SLX4IP: variants seen among roughly 807,000 people sequenced by gnomAD.
SLX4IP encodes the protein SLX4 interacting protein.
In SLX4IP, 34 loss-of-function variants were observed where a neutral mutation model predicts 32.9. The observed-to-expected ratio is 1.03, with a 90% CI of 0.79 to 1.38. The LOEUF is 1.38. Ranked by LOEUF, SLX4IP falls within the 40% of genes most tolerant of loss-of-function variation. The pLI is 0.00. For synonymous variants in SLX4IP, 172 were observed against 171.7 expected (o/e 1.00, Z -0.01); for missense variants, 444 against 479.0 (o/e 0.93, Z 0.68).
At chr20:10,496,162 A>G (rs1390950805) in intron 2 of SLX4IP, among the ~76,000 whole-genome samples, 2 of 151,724 alleles carry the variant, frequency 1.3e-5, no homozygotes, top group Non-Finnish European at 2.9e-5. Flanking sequence ...TATTTTTGTA[A>G]TTGATACACA....
chr20:10,622,555 T>G (rs2067123562), intron 7 of SLX4IP, 104 bp from the exon 8 acceptor site: 1 of 1,482,310 alleles, frequency 6.7e-7, no homozygotes, highest in Admixed American at 2.2e-5. Context: ...GGGCAGGTAG[T>G]GCCTGCCTCC....
At chr20:10,452,947 T>C (rs1277455937) in intron 1 of SLX4IP, among the ~76,000 whole-genome samples, 4 of 152,166 alleles carry the variant, frequency 2.6e-5, no homozygotes, top group African/African-American at 9.6e-5. Context: ...TTTGCTTTAC[T>C]ATAGCTATTG....
At chr20:10,467,741 A>C (rs926634110) in intron 2 of SLX4IP, among the ~76,000 whole-genome samples, 2 of 152,234 alleles carry the variant, frequency 1.3e-5, no homozygotes, top group Non-Finnish European at 2.9e-5. Flanking sequence ...TCACACCAGC[A>C]GTCACCCAAT....
chr20:10,506,528 C>T (rs374357557), intron 2 of SLX4IP, among the ~76,000 whole-genome samples: 12 of 152,166 alleles, frequency 7.9e-5, no homozygotes, highest in South Asian at 6.2e-4. Flanking sequence ...CTCTGGCTCT[C>T]TTGAAGAGAA....
rs747508647 is a variant in SLX4IP at position 10,626,265 on chromosome 20, A to G, written c.*2886A>G. The G allele has an allele frequency of 7.7e-6, 1 of 129,778 alleles. No individual in the cohort carries two copies. Among genetic ancestry groups the G allele is most frequent in the Non-Finnish European group, 1.6e-5 (1 of 64,092 alleles). 8.0% of individuals were successfully genotyped at this position (129,778 alleles called of 1,614,324 possible). A position where few individuals can be genotyped will look rare whatever the true frequency, so the allele number is the denominator to read the frequency against. On this transcript the variant is annotated 3_prime_UTR_variant, in exon 8 of 8. Transcript: ENST00000334534. ...TGGCCAGGGTGGTCTCGATCTCCTG[A>G]CTCGTGATCCGCCCGCCTCGGCCTC...
chr20:10,599,232 G>A (rs2066812304), intron 5 of SLX4IP, among the ~76,000 whole-genome samples: 1 of 152,110 alleles, frequency 6.6e-6, no homozygotes, highest in Non-Finnish European at 1.5e-5. Context: ...AAAGTCAGAA[G>A]CTAATGATCA....
intron 2 of SLX4IP, among the ~76,000 whole-genome samples, chr20:10,468,611 C>T (rs1194961006): frequency 1.3e-5 from 2 of 152,124 alleles, no homozygotes; most frequent in Non-Finnish European, 2.9e-5. Context: ...TGTGGTTTTC[C>T]CTCTGTTTGC....
intron 1 of SLX4IP, among the ~76,000 whole-genome samples, chr20:10,439,131 G>T (rs973359319): frequency 6.6e-6 from 1 of 152,100 alleles, no homozygotes; most frequent in African/African-American, 2.4e-5. Context: ...CCAATTGATG[G>T]ACATTTGGTT....
At chr20:10,620,043 C>G (rs1326168277) in intron 6 of SLX4IP, among the ~76,000 whole-genome samples, 1 of 152,146 alleles carries the variant, frequency 6.6e-6, no homozygotes, top group Non-Finnish European at 1.5e-5. Context: ...AGTGATTAGG[C>G]AAAGCACATC....
Position 10,623,147 on chromosome 20 carries a change from G to A in SLX4IP, c.995G>A (p.Arg332Lys), listed in dbSNP as rs765630737. ...ATAGTGGAAAAAAGCAAAGCTGTCA[G>A]GGTTTTGCCAGCTTCAGAGTTGTCA... Reference protein sequence around the residue: ...EIIVEKSKAVRVLPASELSDP... With the variant: ...EIIVEKSKAVKVLPASELSDP... Residue 332 changes from arginine to lysine, a missense_variant, in exon 8 of 8, where the codon AGG becomes AAG. Transcript: ENST00000334534. 3 of 1,614,232 alleles carry A rather than the reference G, an allele frequency of 1.9e-6. No homozygotes were observed. The highest frequency in any genetic ancestry group is 3.3e-5 in the Admixed American group (2 of 60,026).
At chr20:10,555,246 C>T (rs1019260261) in intron 2 of SLX4IP, among the ~76,000 whole-genome samples, 1 of 151,824 alleles carries the variant, frequency 6.6e-6, no homozygotes, top group African/African-American at 2.4e-5. Flanking sequence ...AAAACTGAAC[C>T]TCTGAGTCTC....
chr20:10,459,143 G>T (rs139807991), intron 2 of SLX4IP, among the ~76,000 whole-genome samples: 178 of 152,250 alleles, frequency 1.2e-3, no homozygotes, highest in African/African-American at 4.1e-3. Context: ...ATATTTGCTG[G>T]CTACACGAAT....
At chr20:10,493,038 A>G (rs1204899375) in intron 2 of SLX4IP, among the ~76,000 whole-genome samples, 1 of 152,116 alleles carries the variant, frequency 6.6e-6, no homozygotes, top group Non-Finnish European at 1.5e-5. Context: ...TCCTGGCCTC[A>G]AGCAGTCCTC....
intron 6 of SLX4IP, among the ~76,000 whole-genome samples, chr20:10,606,464 A>C (rs1187412309): frequency 6.6e-6 from 1 of 152,232 alleles, no homozygotes; most frequent in Non-Finnish European, 1.5e-5. Context: ...ATAGAGTTAA[A>C]AAAATTTATT....
Position 10,560,561 on chromosome 20 carries a change from C to T in SLX4IP, c.118-139C>T, listed in dbSNP as rs891342995. On this transcript the variant is annotated intron_variant, in intron 3 of 7. Transcript: ENST00000334534. ...AAATTTGCGGTGTTATTCATGAGCACATATGACATTCCTTTCAACATTCAC... is the reference window on the plus strand; with the variant it reads ...AAATTTGCGGTGTTATTCATGAGCATATATGACATTCCTTTCAACATTCAC... 1.4e-5 allele frequency: 9 copies of T among 625,874 alleles called. No individual in the cohort carries two copies. The African/African-American group carries it at 1.5e-4, about 11-fold the overall frequency. The allele number at this position is 625,874 out of a possible 1,614,324, so 38.8% of individuals were successfully genotyped here. A position where few individuals can be genotyped will look rare whatever the true frequency, so the allele number is the denominator to read the frequency against.
chr20:10,597,154 G>C (rs2066780120), intron 4 of SLX4IP, among the ~76,000 whole-genome samples: 1 of 152,184 alleles, frequency 6.6e-6, no homozygotes, highest in African/African-American at 2.4e-5. Flanking sequence ...TTCTTTAATT[G>C]TATTCTTTAT....
chr20:10,510,899 C>T (rs942854351), intron 2 of SLX4IP, among the ~76,000 whole-genome samples: 5 of 152,172 alleles, frequency 3.3e-5, no homozygotes, highest in African/African-American at 7.2e-5. Flanking sequence ...CCATCGCACC[C>T]GGCGGTGCCT....
At chr20:10,505,878 G>A (rs1260851458) in intron 2 of SLX4IP, among the ~76,000 whole-genome samples, 4 of 150,966 alleles carry the variant, frequency 2.6e-5, no homozygotes, top group East Asian at 1.9e-4. Flanking sequence ...GCTCTTGCAC[G>A]GTAACATCTT....
chr20:10,452,551 G>A lies in SLX4IP; in HGVS notation c.-29-5625G>A, dbSNP rs957922741. ...CGTGGTGGCATGCACCTGTAATCCC[G>A]GCTACTCGGGAAGCTGAGACAGGAG... On this transcript the variant is annotated intron_variant, in intron 1 of 7. Coordinates refer to ENST00000334534, the MANE Select transcript of SLX4IP (RefSeq NM_001009608.3). Among the ~76,000 whole-genome samples the A allele has an allele frequency of 3.0e-4, 45 of 150,186 alleles. No homozygotes were observed. In the South Asian group the frequency reaches 3.8e-3, roughly 13 times the overall value.
Sources: allele counts gnomAD v4.1 joint callset (sites outside exome capture counted in the v4.1 genomes callset), GRCh38; gene constraint gnomAD v4.1.1; transcripts MANE v1.5; gene names NCBI Gene and HGNC (gene_info 2026-07-23, HGNC 2026-07-21).